Variants in EFCC1 observed in about 807,000 individuals in gnomAD.
EFCC1 encodes the protein EF-hand and coiled-coil domain containing 1.
Under a neutral mutation model 52.1 loss-of-function variants are expected in EFCC1, and 50 were observed. That is an observed-to-expected ratio of 0.96 (90% CI 0.76 to 1.21). The LOEUF (loss-of-function observed/expected upper bound fraction) is 1.21, where lower values mean the gene tolerates loss of function less well. Ranked by LOEUF, EFCC1 falls within the 50% of genes most tolerant of loss-of-function variation. EFCC1 has a pLI of 0.00. For missense variants in EFCC1, 837 were observed against 867.3 expected (o/e 0.97, Z 0.44); for synonymous variants, 399 against 396.5 (o/e 1.01, Z -0.08).
At chr3:129,006,488 G>A (rs1489335966) in intron 2 of EFCC1, among the ~76,000 whole-genome samples, 5 of 152,206 alleles carry the variant, frequency 3.3e-5, no homozygotes, top group Admixed American at 3.3e-4. Context: ...GGTAATTTTT[G>A]TATTTTTAGT....
At chr3:129,031,326 A>AG (rs1946268417) in intron 3 of EFCC1, among the ~76,000 whole-genome samples, 2 of 152,218 alleles carry the variant, frequency 1.3e-5, no homozygotes, top group African/African-American at 4.8e-5. Flanking sequence ...AGCTACTCGG[A>AG]GGGGGAGTGG....
intron 2 of EFCC1, among the ~76,000 whole-genome samples, chr3:129,018,908 G>C (rs1945707798): frequency 6.6e-6 from 1 of 152,180 alleles, no homozygotes; most frequent in African/African-American, 2.4e-5. Context: ...TTCTGCGAGT[G>C]CATCTTCTGG....
In EFCC1 at chr3:129,029,982, C is replaced by G. The variant is rs189966034; in HGVS notation, c.981-721C>G. ...GGCAGATTGCCTGAGCTCAGGAGTTCGAGACCAGCGGAAGCAACATGGCAA... is the reference window on the plus strand; with the variant it reads ...GGCAGATTGCCTGAGCTCAGGAGTTGGAGACCAGCGGAAGCAACATGGCAA... On this transcript the variant is annotated intron_variant, in intron 2 of 7. Coordinates refer to ENST00000683648, the MANE Select transcript of EFCC1 (RefSeq NM_001377500.1). 6.1e-4 allele frequency among the ~76,000 whole-genome samples: 93 copies of G among 151,588 alleles called. 1 individual carries two copies. The highest frequency in any genetic ancestry group is 1.9e-3 in the African/African-American group (79 of 41,282).
Position 129,004,231 on chromosome 3 carries a change from C to A in EFCC1, c.980+154C>A, listed in dbSNP as rs577207671. On this transcript the variant is annotated intron_variant, in intron 2 of 7. Coordinates refer to ENST00000683648, the MANE Select transcript of EFCC1 (RefSeq NM_001377500.1). The stretch of plus-strand genomic sequence containing the variant: ...TTCTTTCATTCCTTTGTCAGTTCTC[C>A]ATTTCTTAAGTTATAAGTCTGCTCC... 3.9e-5 allele frequency among the ~76,000 whole-genome samples: 6 copies of A among 152,294 alleles called. No individual in the cohort carries two copies. In the South Asian group the frequency reaches 1.2e-3, roughly 32 times the overall value.
intron 3 of EFCC1, among the ~76,000 whole-genome samples, chr3:129,031,747 C>T (rs1028918853): frequency 2.6e-5 from 4 of 152,224 alleles, no homozygotes; most frequent in Non-Finnish European, 5.9e-5. Context: ...ACAGCAGGCA[C>T]TCCCCTCATA....
intron 1 of EFCC1, 112 bp downstream of exon 1, chr3:129,002,436 G>GCAGCCCCACACCATCCCACTCCGCAT: frequency 4.2e-6 from 6 of 1,413,264 alleles, no homozygotes; most frequent in Non-Finnish European, 5.5e-6. Context: ...GAGACAGAGG[G>GCAGCCCCACACCATCCCACTCCGCAT]CAGCCCCACA....
At position 129,039,780 on chromosome 3, in the gene EFCC1, C is replaced by T. The variant is rs779279809; in HGVS notation, c.1732C>T (p.Arg578Trp). 1.2e-5 allele frequency: 19 copies of T among 1,612,250 alleles called. No homozygotes were observed. Among genetic ancestry groups the T allele is most frequent in the Non-Finnish European group, 1.6e-5 (19 of 1,178,958 alleles). ...AGCCTTGGCTGCCTGCCAGCTGTTG[C>T]GGAGACAGCCCTCGGCACCAGCCTC... is the stretch of plus-strand genomic sequence containing the variant. Reference protein sequence around the residue: ...HQALAACQLLRRQPSAPASAA... With the variant: ...HQALAACQLLWRQPSAPASAA... The change falls in exon 8 of 8, where the codon CGG becomes TGG. Residue 578 changes from arginine to tryptophan, a missense_variant. Coordinates refer to ENST00000683648, the MANE Select transcript of EFCC1 (RefSeq NM_001377500.1).
At position 129,010,889 on chromosome 3, in the gene EFCC1, G is replaced by A. The variant is rs1233709291; in HGVS notation, c.980+6812G>A. Among the ~76,000 whole-genome samples the A allele has an allele frequency of 1.3e-5, 2 of 152,194 alleles. No homozygotes were observed. Among genetic ancestry groups the A allele is most frequent in the Non-Finnish European group, 2.9e-5 (2 of 68,038 alleles). ...CCCAGGCCCTCAGGATGCACAGGGG[G>A]CTTGGTGGGTGGGGGCCTAGGCTCA... On this transcript the variant is annotated intron_variant, in intron 2 of 7. Transcript: ENST00000683648. The surrounding 1 kb of genome is among the most constrained non-coding windows in gnomAD (Gnocchi z 4.3).
chr3:129,029,585 G>GC (rs538566084), intron 2 of EFCC1, among the ~76,000 whole-genome samples: 1 of 148,170 alleles, frequency 6.7e-6, no homozygotes, highest in African/African-American at 2.5e-5. Context: ...TTGTTTTTTG[G>GC]TTTTTTTTTT....
intron 2 of EFCC1, among the ~76,000 whole-genome samples, chr3:129,016,542 G>C (rs1945592510): frequency 1.3e-5 from 2 of 149,384 alleles, no homozygotes; most frequent in South Asian, 2.3e-4. Context: ...CCGTGCCCGT[G>C]AGCTCCACCT....
At position 129,040,634 on chromosome 3, in the gene EFCC1, G is replaced by A. The variant is rs190756469; in HGVS notation, c.*786G>A. On this transcript the variant is annotated 3_prime_UTR_variant, in exon 8 of 8. Coordinates refer to ENST00000683648, the MANE Select transcript of EFCC1 (RefSeq NM_001377500.1). This position sits in a 1 kb window ranked among gnomAD's most constrained non-coding sequence, Gnocchi z 4.4. ...AGGAAGGAGTAGGCCAAGATACCCA[G>A]TCTCACCTAACTTAGACTGTCATTA... 3.3e-5 allele frequency: 5 copies of A among 152,402 alleles called. No homozygotes were observed. The highest frequency in any genetic ancestry group is 7.2e-5 in the African/African-American group (3 of 41,578). The allele number at this position is 152,402 out of a possible 1,614,324, so 9.4% of individuals were successfully genotyped here.
At position 129,001,988 on chromosome 3, in the gene EFCC1, C is replaced by T. The variant is rs1451756235; in HGVS notation, c.360C>T (p.Asp120=). 6 of 1,545,648 alleles carry T rather than the reference C, an allele frequency of 3.9e-6. No individual in the cohort carries two copies. The highest frequency in any genetic ancestry group is 5.2e-6 in the Non-Finnish European group (6 of 1,145,080). The change falls in exon 1 of 8, where the codon GAC becomes GAT. Residue 120 remains aspartate (D), a synonymous_variant. Transcript: ENST00000683648. The part of the protein sequence containing the change: ...PGDAAAELAT[D]GDSDTDEEAR... ...ATGCGGCCGCTGAGTTGGCCACGGA[C>T]GGGGACTCAGATACCGATGAAGAGG...
chr3:129,040,588 T>G lies in EFCC1; in HGVS notation c.*740T>G, dbSNP rs1470950682. 6.6e-6 allele frequency: 1 copy of G among 152,242 alleles called. No individual in the cohort carries two copies. The highest frequency in any genetic ancestry group is 2.4e-5 in the African/African-American group (1 of 41,458). 9.4% of individuals were successfully genotyped at this position (152,242 alleles called of 1,614,324 possible). ...CTCCTGAACTGCGAGCCCCTCCTCC[T>G]GAACTGCGTCATGGGGTTGCAGGAA... On this transcript the variant is annotated 3_prime_UTR_variant, in exon 8 of 8. Transcript: ENST00000683648. The surrounding 1 kb of genome is among the most constrained non-coding windows in gnomAD (Gnocchi z 4.4).
At chr3:129,007,809 T>C (rs1480342713) in intron 2 of EFCC1, among the ~76,000 whole-genome samples, 1 of 152,264 alleles carries the variant, frequency 6.6e-6, no homozygotes, top group African/African-American at 2.4e-5. Flanking sequence ...GAGTTCTTTT[T>C]CAGACCTGTA....
chr3:129,004,403 CCATCCACTCACCCATT>C (rs1227446111), intron 2 of EFCC1, among the ~76,000 whole-genome samples: 1 of 136,890 alleles, frequency 7.3e-6, no homozygotes, highest in Non-Finnish European at 1.6e-5. Flanking sequence ...ACTCACCCAT[CCATCCACTCACCCATT>C]CATCCATCCA....
At chr3:129,034,862 T>C (rs1251328354) in intron 5 of EFCC1, among the ~76,000 whole-genome samples, 1 of 152,026 alleles carries the variant, frequency 6.6e-6, no homozygotes, top group Admixed American at 6.6e-5. Flanking sequence ...CCTGTGGTGG[T>C]GGGGCGGGTT....
chr3:129,006,984 G>T (rs1945103735), intron 2 of EFCC1, among the ~76,000 whole-genome samples: 1 of 152,170 alleles, frequency 6.6e-6, no homozygotes, highest in Admixed American at 6.5e-5. Flanking sequence ...AGCTCATGGG[G>T]CCTCTAGTCT....
chr3:129,036,778 G>A (rs1946358778), intron 5 of EFCC1, among the ~76,000 whole-genome samples, 199 bp from the exon 6 acceptor site: 1 of 152,260 alleles, frequency 6.6e-6, no homozygotes, highest in Non-Finnish European at 1.5e-5. Context: ...CCAGAGAAGA[G>A]AAGGGAGAAT....
intron 1 of EFCC1, chr3:129,002,701 T>C (rs1326898817): frequency 1.2e-5 from 3 of 243,048 alleles, no homozygotes; most frequent in Non-Finnish European, 2.3e-5. Context: ...GCCAGGCTTC[T>C]GGGAGGTTTA....
Sources: gnomAD v4.1 joint callset for allele counts (sites outside exome capture counted in the v4.1 genomes callset) on GRCh38, gnomAD v4.1.1 for gene constraint, Gnocchi (gnomAD v3.1) non-coding constraint, MANE v1.5 for transcripts, NCBI Gene and HGNC (gene_info 2026-07-23, HGNC 2026-07-21) for gene names.